ESR1: variants seen among roughly 807,000 people sequenced by gnomAD.
ESR1 encodes estrogen receptor 1.
ESR1 carries 12 observed loss-of-function variants against 52.7 expected under a neutral mutation model. The observed-to-expected ratio is 0.23, with a 90% CI of 0.15 to 0.37. The LOEUF (loss-of-function observed/expected upper bound fraction) is 0.37. Among genes scored for constraint, ESR1 ranks in the 10% least tolerant of loss-of-function variants. The pLI is 1.00. For missense variants in ESR1, 584 were observed against 779.7 expected (o/e 0.75, Z 2.99); for synonymous variants, 305 against 316.8 (o/e 0.96, Z 0.39).
intron 2 of ESR1, among the ~76,000 whole-genome samples, chr6:151,739,726 G>A (rs956882991): frequency 4.6e-4 from 70 of 152,226 alleles, no homozygotes; most frequent in African/African-American, 1.5e-3. Context: ...TCATCTTGTT[G>A]GCCCCATTGT....
intron 3 of ESR1, among the ~76,000 whole-genome samples, chr6:151,920,719 T>G (rs537616379): frequency 1.5e-4 from 23 of 152,068 alleles, no homozygotes; most frequent in African/African-American, 5.3e-4. Context: ...CTTTAATGTG[T>G]TTTGGGGAGG....
intron 6 of ESR1, among the ~76,000 whole-genome samples, chr6:152,087,726 G>A (rs1201210988): frequency 1.3e-5 from 2 of 152,156 alleles, no homozygotes; most frequent in African/African-American, 4.8e-5. Flanking sequence ...TTGTGATAGG[G>A]CTCTTTTCAC....
At chr6:152,007,601 A>T (rs2128762227) in intron 4 of ESR1, among the ~76,000 whole-genome samples, 1 of 152,194 alleles carries the variant, frequency 6.6e-6, no homozygotes, top group Middle Eastern at 3.4e-3. Context: ...GTTTGCTTTT[A>T]AAAAACTTTA....
At chr6:151,909,966 C>T (rs965175602) in intron 3 of ESR1, among the ~76,000 whole-genome samples, 12 of 152,072 alleles carry the variant, frequency 7.9e-5, no homozygotes, top group Non-Finnish European at 1.3e-4. Flanking sequence ...AATCTATGAG[C>T]GTGGAGACAG....
Position 152,099,991 on chromosome 6 carries a change from G to C in ESR1, c.*1025G>C. ...TAGCCCTGGGGCATGGAGCTGAACAGTACTTGTGCAGGATTGTTGTGGCTA... is the reference window on the plus strand; with the variant it reads ...TAGCCCTGGGGCATGGAGCTGAACACTACTTGTGCAGGATTGTTGTGGCTA... On this transcript the variant is annotated 3_prime_UTR_variant, in exon 8 of 8. Coordinates refer to ENST00000206249, the MANE Select transcript of ESR1 (RefSeq NM_000125.4). 2.5e-6 allele frequency: 1 copy of C among 398,966 alleles called. No homozygotes were observed. The highest frequency in any genetic ancestry group is 4.4e-6 in the Non-Finnish European group (1 of 226,316). 24.7% of individuals were successfully genotyped at this position (398,966 alleles called of 1,614,324 possible).
chr6:151,856,826 G>A (rs535154137), intron 2 of ESR1, among the ~76,000 whole-genome samples: 11 of 152,142 alleles, frequency 7.2e-5, no homozygotes, highest in African/African-American at 2.6e-4. Context: ...ATAACTTTGG[G>A]GATGAAGTAC....
intron 4 of ESR1, among the ~76,000 whole-genome samples, chr6:151,963,419 C>T (rs745588449): frequency 6.6e-6 from 1 of 152,210 alleles, no homozygotes; most frequent in Non-Finnish European, 1.5e-5. Flanking sequence ...TGGGACTTCA[C>T]CCACCCTCAC....
chr6:151,814,905 G>A (rs1779374072), intron 1 of ESR1, among the ~76,000 whole-genome samples: 2 of 152,214 alleles, frequency 1.3e-5, no homozygotes, highest in Admixed American at 1.3e-4. Context: ...AGTCTTGACT[G>A]TTGTCTCCCA....
chr6:151,918,168 T>C (rs537018373), intron 3 of ESR1, among the ~76,000 whole-genome samples: 1 of 152,314 alleles, frequency 6.6e-6, no homozygotes, highest in African/African-American at 2.4e-5. Flanking sequence ...TCTTCAGTCA[T>C]GCTGTTGCAG....
intron 1 of ESR1, among the ~76,000 whole-genome samples, chr6:151,682,336 G>GT (rs894716415): frequency 7.2e-5 from 11 of 152,138 alleles, no homozygotes; most frequent in South Asian, 4.2e-4. Flanking sequence ...CCTGTAGGAA[G>GT]TTTTTTTTGG....
At chr6:151,889,968 C>G (rs1794455833) in intron 3 of ESR1, among the ~76,000 whole-genome samples, 1 of 151,654 alleles carries the variant, frequency 6.6e-6, no homozygotes, top group Admixed American at 6.6e-5. Context: ...CAAAATTATT[C>G]TTGTTGATTT....
intron 2 of ESR1, among the ~76,000 whole-genome samples, chr6:151,703,716 G>A (rs1779969307): frequency 6.6e-6 from 1 of 152,174 alleles, no homozygotes; most frequent in Non-Finnish European, 1.5e-5. Context: ...AAGAACCAGT[G>A]CAAGTCACTG....
intron 1 of ESR1, among the ~76,000 whole-genome samples, chr6:151,673,265 T>G (rs1778138413): frequency 6.6e-6 from 1 of 152,214 alleles, no homozygotes; most frequent in African/African-American, 2.4e-5. Context: ...TATATTGATG[T>G]CTCCCACTAT....
At chr6:152,028,434 T>C (rs1024951374) in intron 5 of ESR1, among the ~76,000 whole-genome samples, 9 of 152,060 alleles carry the variant, frequency 5.9e-5, no homozygotes, top group African/African-American at 2.2e-4. Flanking sequence ...GAAAATCGGG[T>C]CACTCCCACC....
rs543301565 is a variant in ESR1, at chr6:151,777,355, G to T, written c.-70-30488G>T. Among the ~76,000 whole-genome samples the T allele has an allele frequency of 2.6e-5, 4 of 152,058 alleles. No individual in the cohort carries two copies. In the South Asian group the frequency reaches 8.3e-4, roughly 32 times the overall value. On this transcript the variant is annotated intron_variant, in intron 2 of 2. Coordinates refer to the ESR1 transcript ENST00000404742. Reference sequence around the variant, plus strand: ...GGTGGTCTTGAATTCCTGACCTCAAGTGATCTGCCCACCTCAGCCTCCCAA... The same window carrying T: ...GGTGGTCTTGAATTCCTGACCTCAATTGATCTGCCCACCTCAGCCTCCCAA...
At chr6:152,063,331 G>T (rs1030685863) in intron 6 of ESR1, among the ~76,000 whole-genome samples, 5 of 152,178 alleles carry the variant, frequency 3.3e-5, no homozygotes, top group African/African-American at 9.7e-5. Context: ...GCGGCTGGCA[G>T]CTCCTCTTTT....
chr6:151,780,107 C>T (rs531133647), intron 2 of ESR1, among the ~76,000 whole-genome samples: 1 of 147,786 alleles, frequency 6.8e-6, no homozygotes, highest in African/African-American at 2.6e-5. Context: ...TGGGTGAGTT[C>T]CACAAGTTCC....
chr6:151,735,617 T>C (rs981096492), intron 2 of ESR1, among the ~76,000 whole-genome samples: 3 of 152,108 alleles, frequency 2.0e-5, no homozygotes, highest in African/African-American at 7.2e-5. Context: ...TTTGGTTACA[T>C]GCATGAATTG....
intron 5 of ESR1, among the ~76,000 whole-genome samples, chr6:152,022,628 A>G (rs3020411): frequency 0.44 from 66,849 of 151,822 alleles, 16,664 homozygotes; most frequent in African/African-American, 0.67. Flanking sequence ...CAGTTTTTTG[A>G]GAAGTAGAGG....
Sources: gnomAD v4.1 joint callset for allele counts (sites outside exome capture counted in the v4.1 genomes callset) on GRCh38, gnomAD v4.1.1 for gene constraint, MANE v1.5 for transcripts, NCBI Gene and HGNC (gene_info 2026-07-23, HGNC 2026-07-21) for gene names.